The following CSMD1 variants were observed in gnomAD, a reference collection of about 807,000 sequenced individuals.
The protein encoded by CSMD1 is CUB and Sushi multiple domains 1, also known as CUB and sushi domain-containing protein 1.
Under a neutral mutation model 417.5 loss-of-function variants are expected in CSMD1, and 213 were observed. That is an observed-to-expected ratio of 0.51 (90% confidence interval 0.46 to 0.57). The LOEUF (loss-of-function observed/expected upper bound fraction) is 0.57, where lower values mean the gene tolerates loss of function less well. Among genes scored for constraint, CSMD1 ranks in the 20% least tolerant of loss-of-function variants. The pLI is 0.00. For missense variants in CSMD1, 6,923 were observed against 4,529.7 expected, an observed-to-expected ratio of 1.53 and a Z score of -15.17; for synonymous variants, 2,862 against 1,736.8, an observed-to-expected ratio of 1.65 and a Z score of -16.11.
chr8:3,854,515 G>C (rs112497890), intron 5 of CSMD1, among the ~76,000 whole-genome samples: 262 of 152,214 alleles, frequency 1.7e-3, no homozygotes, highest in African/African-American at 6.1e-3. Flanking sequence ...CAGGCATAGT[G>C]GCTTAACTGC....
At chr8:3,534,290 A>G (rs1347810403) in intron 10 of CSMD1, among the ~76,000 whole-genome samples, 1 of 152,056 alleles carries the variant, frequency 6.6e-6, no homozygotes, top group African/African-American at 2.4e-5. Context: ...AAATTTATTA[A>G]TTTCCTTCAT....
chr8:4,041,387 T>G (rs1033454385), intron 3 of CSMD1, among the ~76,000 whole-genome samples: 1 of 152,126 alleles, frequency 6.6e-6, no homozygotes, highest in Non-Finnish European at 1.5e-5. Flanking sequence ...TGACAAGAAT[T>G]GTTAAATGCA....
chr8:3,962,637 T>G (rs1432058661), intron 5 of CSMD1, among the ~76,000 whole-genome samples: 1 of 152,098 alleles, frequency 6.6e-6, no homozygotes, highest in Non-Finnish European at 1.5e-5. Context: ...AAGGAGAGCA[T>G]GGACATTCAA....
intron 3 of CSMD1, among the ~76,000 whole-genome samples, chr8:4,394,005 T>C (rs1042320316): frequency 1.3e-5 from 2 of 152,180 alleles, no homozygotes; most frequent in Admixed American, 6.5e-5. Flanking sequence ...GCAACACATA[T>C]ATAGCATGGC....
chr8:4,953,204 C>T (rs1399730080), intron 1 of CSMD1, among the ~76,000 whole-genome samples: 1 of 152,082 alleles, frequency 6.6e-6, no homozygotes, highest in East Asian at 1.9e-4. Context: ...GGAGGAAAAT[C>T]TTTTATTTCC....
intron 20 of CSMD1, among the ~76,000 whole-genome samples, chr8:3,365,090 T>G (rs1809466113): frequency 6.6e-6 from 1 of 152,306 alleles, no homozygotes; most frequent in Middle Eastern, 3.4e-3. Context: ...GAAGTGATAT[T>G]CTCATAGCAA....
chr8:4,337,671 C>T (rs1025724880), intron 3 of CSMD1, among the ~76,000 whole-genome samples: 1 of 152,116 alleles, frequency 6.6e-6, no homozygotes, highest in African/African-American at 2.4e-5. Flanking sequence ...TTCTCACAGA[C>T]AATTTTTTCT....
intron 1 of CSMD1, among the ~76,000 whole-genome samples, chr8:4,837,256 C>T (rs189533149): frequency 2.1e-4 from 31 of 150,018 alleles, no homozygotes; most frequent in Admixed American, 1.5e-3. Context: ...CATATACCCC[C>T]CAAAAAAGGA....
chr8:3,395,754 T>C (rs1288108595), intron 17 of CSMD1, among the ~76,000 whole-genome samples: 1 of 152,188 alleles, frequency 6.6e-6, no homozygotes, highest in East Asian at 1.9e-4. Context: ...GTGAAACGTG[T>C]CTATCTATAC....
chr8:2,938,843 C>T, intron 69 of CSMD1, 99 bp from the exon 70 acceptor site: 2 of 1,028,350 alleles, frequency 1.9e-6, no homozygotes, highest in South Asian at 3.2e-5. Context: ...GAGCAGGGAG[C>T]AGTATAGCCA....
In CSMD1 at chr8:3,980,617, T is replaced by G. The variant is rs146385700; in HGVS notation, c.818+17286A>C. On this transcript the variant is annotated intron_variant, in intron 5 of 69. Coordinates refer to ENST00000635120, the MANE Select transcript of CSMD1 (RefSeq NM_033225.6). The stretch of plus-strand genomic sequence containing the variant: ...TAATTTGTTTTTTATGCCCCAATGA[T>G]GCCTTACTTTTTGCTTATGGCTTTT... Among the ~76,000 whole-genome samples the G allele has an allele frequency of 3.4e-3, 522 of 152,352 alleles. 2 individuals are homozygous for G. The highest frequency in any genetic ancestry group is 6.8e-3 in the Middle Eastern group (2 of 294).
chr8:3,484,116 C>G (rs992859510), intron 11 of CSMD1, among the ~76,000 whole-genome samples: 1 of 152,104 alleles, frequency 6.6e-6, no homozygotes, highest in Non-Finnish European at 1.5e-5. Context: ...GGCACCTGCC[C>G]TAGAATAGTT....
At chr8:4,644,076 C>A (rs982465044) in intron 1 of CSMD1, among the ~76,000 whole-genome samples, 2 of 152,162 alleles carry the variant, frequency 1.3e-5, no homozygotes, top group Admixed American at 1.3e-4. Context: ...GAAAGAGAGC[C>A]AAGGAATCGA....
In CSMD1 at chr8:4,265,984, T is replaced by A. The variant is rs1266250424; in HGVS notation, c.415+153969A>T. 1.9e-5 allele frequency among the ~76,000 whole-genome samples: 2 copies of A among 103,966 alleles called. 1 individual carries two copies. The highest frequency in any genetic ancestry group is 5.2e-5 in the African/African-American group (2 of 38,182). 68.2% of individuals were successfully genotyped at this position (103,966 alleles called of 152,430 possible). A position where few individuals can be genotyped will look rare whatever the true frequency, so the allele number is the denominator to read the frequency against. On this transcript the variant is annotated intron_variant, in intron 3 of 69. Transcript: ENST00000635120. ...CCCACTGTATTCCATGCCTACTTTG[T>A]GTGCGTTTGGGCTGTGTAAGTCATC...
At chr8:4,392,139 G>T (rs1803889405) in intron 3 of CSMD1, among the ~76,000 whole-genome samples, 2 of 152,188 alleles carry the variant, frequency 1.3e-5, no homozygotes, top group African/African-American at 4.8e-5. Context: ...AGTCCAGATT[G>T]CTGACCACTG....
intron 2 of CSMD1, among the ~76,000 whole-genome samples, chr8:4,496,815 T>C (rs1802001659): frequency 6.6e-6 from 1 of 152,150 alleles, no homozygotes; most frequent in Non-Finnish European, 1.5e-5. Context: ...GGACTTTTGA[T>C]GGGTAATCAA....
At chr8:3,906,710 A>C (rs750696751) in intron 5 of CSMD1, among the ~76,000 whole-genome samples, 8 of 152,036 alleles carry the variant, frequency 5.3e-5, no homozygotes, top group Admixed American at 3.3e-4. Flanking sequence ...ATGTGAATTC[A>C]TTCACTGGCT....
chr8:4,833,636 T>G (rs979320891), intron 1 of CSMD1, among the ~76,000 whole-genome samples: 2 of 152,218 alleles, frequency 1.3e-5, no homozygotes, highest in Non-Finnish European at 2.9e-5. Flanking sequence ...ACTGTATCTC[T>G]GCAACAGAGT....
At chr8:3,527,647 T>A (rs76445730) in intron 10 of CSMD1, among the ~76,000 whole-genome samples, 7,250 of 152,070 alleles carry the variant, frequency 0.048, 271 homozygotes, top group Admixed American at 0.12. Flanking sequence ...TCAAACCAGG[T>A]CTGCAGCTCA....
Sources: gnomAD v4.1 joint callset for allele counts (sites outside exome capture counted in the v4.1 genomes callset) on GRCh38, gnomAD v4.1.1 for gene constraint, MANE v1.5 for transcripts, NCBI Gene and HGNC (gene_info 2026-07-23, HGNC 2026-07-21) for gene names.